GPHN: variants seen among roughly 807,000 people sequenced by gnomAD.
The protein encoded by GPHN is gephyrin.
GPHN carries 17 observed loss-of-function variants against 95.5 expected under a neutral mutation model. The observed-to-expected ratio is 0.18, with a 90% confidence interval of 0.12 to 0.27. The LOEUF (loss-of-function observed/expected upper bound fraction) is 0.27, where lower values mean the gene tolerates loss of function less well. Among genes scored for constraint, GPHN ranks in the 10% least tolerant of loss-of-function variants. GPHN has a pLI of 1.00. For synonymous variants in GPHN, 320 were observed against 322.5 expected (o/e 0.99, Z 0.08); for missense variants, 660 against 978.1 (o/e 0.67, Z 4.34).
At chr14:67,533,728 CT>C in the GPHN span, 1 of 152,262 alleles carries the variant, frequency 6.6e-6, no homozygotes. Context: ...TGCTCGCTCC[CT>C]TTCACCCCTT....
intron 10 of GPHN, among the ~76,000 whole-genome samples, chr14:67,047,360 G>T (rs1372352593): frequency 0.012 from 1,531 of 133,092 alleles, 19 homozygotes; most frequent in Non-Finnish European, 0.018. Context: ...GTGTGTGTGT[G>T]TGTTTGTTTT....
At chr14:66,753,629 T>A (rs903771999) in intron 2 of GPHN, among the ~76,000 whole-genome samples, 2 of 152,088 alleles carry the variant, frequency 1.3e-5, no homozygotes, top group Non-Finnish European at 2.9e-5. Context: ...TTGGTTTTAT[T>A]TATTAGACTG....
At chr14:67,419,571 G>T in the GPHN span, among the ~76,000 whole-genome samples, 11 of 152,300 alleles carry the variant, frequency 7.2e-5, no homozygotes, top group African/African-American at 2.4e-4. Context: ...TCTCATAAAG[G>T]CTGCATCCAG....
At chr14:66,529,424 G>A (rs929159780) in intron 1 of GPHN, among the ~76,000 whole-genome samples, 6 of 151,944 alleles carry the variant, frequency 3.9e-5, no homozygotes, top group Admixed American at 3.3e-4. Flanking sequence ...CCTTCAGCTC[G>A]GAGGAGTTCA....
intron 4 of GPHN, among the ~76,000 whole-genome samples, chr14:66,868,969 C>T (rs959792884): frequency 1.3e-5 from 2 of 151,982 alleles, no homozygotes; most frequent in East Asian, 1.9e-4. Context: ...AATATTTAGA[C>T]GTCAAAGATA....
chr14:67,103,535 T>TC (rs1206883861), intron 13 of GPHN, among the ~76,000 whole-genome samples: 19 of 147,364 alleles, frequency 1.3e-4, no homozygotes, highest in Admixed American at 2.0e-4. Context: ...TTTTTTTTTT[T>TC]TTGTGGCCTC....
chr14:67,340,799 G>T, the GPHN span, among the ~76,000 whole-genome samples: 1 of 152,100 alleles, frequency 6.6e-6, no homozygotes, highest in Non-Finnish European at 1.5e-5. Context: ...TCAGCCTGCC[G>T]AGTGCCTGCG....
intron 2 of GPHN, among the ~76,000 whole-genome samples, chr14:66,688,934 G>T (rs1300754823): frequency 6.6e-6 from 1 of 152,010 alleles, no homozygotes; most frequent in African/African-American, 2.4e-5. Context: ...GGCTGGGGGA[G>T]GGATAGCATT....
At chr14:66,794,161 G>A (rs914751923) in intron 3 of GPHN, among the ~76,000 whole-genome samples, 2 of 152,140 alleles carry the variant, frequency 1.3e-5, no homozygotes, top group Non-Finnish European at 2.9e-5. Flanking sequence ...TGTTGGAGGT[G>A]GGGCCTGGTG....
the GPHN span, chr14:67,488,745 CCACATCCTGCCGG>C: frequency 6.6e-6 from 1 of 152,402 alleles, no homozygotes. Flanking sequence ...AAACCAAAGA[CCACATCCTGCCGG>C]CACAGCCTGC....
chr14:67,178,519 G>A (rs1336030320), intron 21 of GPHN, among the ~76,000 whole-genome samples: 1 of 152,162 alleles, frequency 6.6e-6, no homozygotes, highest in Non-Finnish European at 1.5e-5. Context: ...CAACCTTGGT[G>A]AATCTGACGA....
intron 1 of GPHN, among the ~76,000 whole-genome samples, chr14:66,603,663 AC>A (rs1199119204): frequency 2.0e-5 from 3 of 151,940 alleles, no homozygotes; most frequent in Non-Finnish European, 4.4e-5. Flanking sequence ...TTGCAACTAT[AC>A]TTCTGTTTTA....
chr14:67,082,496 C>G (rs1024325526), intron 11 of GPHN, among the ~76,000 whole-genome samples: 3 of 152,086 alleles, frequency 2.0e-5, no homozygotes, highest in Non-Finnish European at 4.4e-5. Context: ...ATCTATATGT[C>G]TGTTTATGCC....
In GPHN at chr14:66,654,703, G is replaced by C. The variant is rs183753624; in HGVS notation, c.65-26404G>C. Among the ~76,000 whole-genome samples, 4 of 152,130 alleles carry C rather than the reference G, an allele frequency of 2.6e-5. No individual in the cohort carries two copies. In the East Asian group the frequency reaches 7.7e-4, roughly 29 times the overall value. On this transcript the variant is annotated intron_variant, in intron 1 of 22. Coordinates refer to ENST00000478722, the MANE Select transcript of GPHN (RefSeq NM_020806.5). Reference sequence around the variant, plus strand: ...CTTCCTTTTATGGATGGTGCTTTTTGTGTCAAGTATAAAAATTCCTTGTCT... The same window carrying C: ...CTTCCTTTTATGGATGGTGCTTTTTCTGTCAAGTATAAAAATTCCTTGTCT...
At chr14:66,918,509 G>A (rs2066028966) in intron 6 of GPHN, among the ~76,000 whole-genome samples, 1 of 152,134 alleles carries the variant, frequency 6.6e-6, no homozygotes, top group Non-Finnish European at 1.5e-5. Flanking sequence ...TTATGTCAAA[G>A]TGGCCACAAG....
the GPHN span, chr14:67,578,411 C>T: frequency 9.3e-5 from 77 of 827,978 alleles, no homozygotes; most frequent in Admixed American, 1.3e-3. The surrounding 1 kb of genome is among the most constrained non-coding windows in gnomAD (Gnocchi z 5.0). Context: ...CATCCCAGCA[C>T]CCAGAGCAAG....
At chr14:67,064,185 G>A (rs2075943280) in intron 11 of GPHN, among the ~76,000 whole-genome samples, 2 of 152,198 alleles carry the variant, frequency 1.3e-5, no homozygotes, top group African/African-American at 4.8e-5. Context: ...CATCTATTGA[G>A]ATAATCATGT....
At chr14:67,376,981 C>T in the GPHN span, among the ~76,000 whole-genome samples, 1 of 152,164 alleles carries the variant, frequency 6.6e-6, no homozygotes, top group Admixed American at 6.5e-5. Flanking sequence ...CCGGGATTTG[C>T]TCTGCCACTA....
At chr14:67,239,303 TG>T in the GPHN span, among the ~76,000 whole-genome samples, 1 of 152,240 alleles carries the variant, frequency 6.6e-6, no homozygotes, top group Non-Finnish European at 1.5e-5. Context: ...AAGATGATTT[TG>T]CTCATTCCTC....
Sources: allele counts gnomAD v4.1 joint callset (sites outside exome capture counted in the v4.1 genomes callset), GRCh38; gene constraint gnomAD v4.1.1; non-coding constraint Gnocchi (gnomAD v3.1); transcripts MANE v1.5; gene names NCBI Gene and HGNC (gene_info 2026-07-23, HGNC 2026-07-21).